Variants in LRIG3 observed in about 807,000 individuals in gnomAD.
LRIG3 encodes the protein leucine rich repeats and immunoglobulin like domains 3, also known as leucine-rich repeats and immunoglobulin-like domains protein 3.
A neutral mutation model predicts 114.5 loss-of-function variants in LRIG3; 76 were observed. The ratio of observed to expected loss-of-function variants is 0.66; its 90% CI spans 0.55 to 0.80. LRIG3 has a LOEUF of 0.80. Among genes scored for constraint, LRIG3 ranks in the 30% least tolerant of loss-of-function variants. LRIG3 has a pLI of 0.00. For synonymous variants in LRIG3, 512 were observed against 519.8 expected, an observed-to-expected ratio of 0.98 and a Z score of 0.20; for missense variants, 1,239 against 1,382.8, an observed-to-expected ratio of 0.90 and a Z score of 1.65.
At chr12:58,887,647 C>A in intron 8 of LRIG3, 142 bp downstream of exon 8, 1 of 842,776 alleles carries the variant, frequency 1.2e-6, no homozygotes, top group Non-Finnish European at 1.9e-6. Flanking sequence ...CCATTGTAAT[C>A]AAACTGATCT....
At chr12:58,918,989 A>G (rs1872574778) in intron 1 of LRIG3, among the ~76,000 whole-genome samples, 1 of 152,256 alleles carries the variant, frequency 6.6e-6, no homozygotes, top group Admixed American at 6.5e-5. Flanking sequence ...ATAGTTCACT[A>G]GAATTGTTTT....
intron 6 of LRIG3, 30 bp downstream of exon 6, chr12:58,888,789 T>G (rs1565617190): frequency 6.2e-7 from 1 of 1,610,736 alleles, no homozygotes. Context: ...TCATACTACC[T>G]CAGTAGGAAC....
chr12:58,882,833 G>GAATA, intron 12 of LRIG3, 36 bp downstream of exon 12: 1 of 1,545,632 alleles, frequency 6.5e-7, no homozygotes, highest in Middle Eastern at 1.7e-4. Flanking sequence ...GAAAAAAGAA[G>GAATA]AATAAATAAA....
At chr12:58,917,468 T>G (rs558888556) in intron 1 of LRIG3, among the ~76,000 whole-genome samples, 1 of 152,132 alleles carries the variant, frequency 6.6e-6, no homozygotes, top group African/African-American at 2.4e-5. Context: ...ACTGGGTTGT[T>G]TTTTTTTAGA....
intron 3 of LRIG3, among the ~76,000 whole-genome samples, chr12:58,906,545 G>A (rs748607004): frequency 1.3e-5 from 2 of 152,010 alleles, no homozygotes; most frequent in Non-Finnish European, 2.9e-5. Flanking sequence ...AGAAATGCAC[G>A]CTTATGAATG....
In LRIG3 at chr12:58,887,544, T is replaced by C. The variant is rs1871315245; in HGVS notation, c.1091+245A>G. ...CCCTCTTAAGCAGTTACCAATTTCC[T>C]GGAGATCCTGAGAAGGTTCACTGTA... On this transcript the variant is annotated intron_variant, in intron 8 of 18. Transcript: ENST00000320743. 2.0e-5 allele frequency among the ~76,000 whole-genome samples: 3 copies of C among 152,314 alleles called. No homozygotes were observed. The South Asian group carries it at 6.2e-4, about 32-fold the overall frequency.
chr12:58,875,044 TC>T (rs1870868815), intron 16 of LRIG3, among the ~76,000 whole-genome samples: 1 of 152,172 alleles, frequency 6.6e-6, no homozygotes, highest in Admixed American at 6.5e-5. Flanking sequence ...GTAAATGATA[TC>T]ATCAGGGTTA....
intron 15 of LRIG3, 125 bp from the exon 16 acceptor site, chr12:58,876,728 G>T: frequency 2.1e-6 from 2 of 940,094 alleles, no homozygotes; most frequent in Non-Finnish European, 3.2e-6. Flanking sequence ...ATCTACTCTG[G>T]CAAAACCATC....
chr12:58,912,189 A>G (rs960910621), intron 3 of LRIG3, among the ~76,000 whole-genome samples: 2 of 152,202 alleles, frequency 1.3e-5, no homozygotes, highest in Non-Finnish European at 2.9e-5. Context: ...ATTATAAGTT[A>G]TAACGTTAAA....
intron 16 of LRIG3, among the ~76,000 whole-genome samples, chr12:58,875,782 G>T (rs1037022615): frequency 6.6e-6 from 1 of 152,258 alleles, no homozygotes; most frequent in African/African-American, 2.4e-5. Context: ...GCTCACGCCT[G>T]TAATCCCAGC....
chr12:58,873,190 G>A (rs1041698168), intron 18 of LRIG3, among the ~76,000 whole-genome samples: 1 of 152,082 alleles, frequency 6.6e-6, no homozygotes, highest in Non-Finnish European at 1.5e-5. Context: ...GTTAACTGAG[G>A]CTAAATAAAG....
intron 10 of LRIG3, among the ~76,000 whole-genome samples, chr12:58,884,931 GGTTATA>G (rs1871227203): frequency 6.6e-6 from 1 of 152,104 alleles, no homozygotes; most frequent in South Asian, 2.1e-4. Flanking sequence ...ATACATCCAT[GGTTATA>G]AGCAGCTGGT....
Position 58,888,274 on chromosome 12 carries a change from C to T in LRIG3, c.947+55G>A, listed in dbSNP as rs141540925. 1,399 of 1,577,198 alleles carry T rather than the reference C, an allele frequency of 8.9e-4. 18 individuals are homozygous for T. In the East Asian group the frequency reaches 0.024, roughly 28 times the overall value. On this transcript the variant is annotated intron_variant, in intron 7 of 18. Transcript: ENST00000320743. ...ACAGATCAGTGGTAAGAAGCTCATG[C>T]CCTGGCATGATCCCTGCTCTCAAAC...
chr12:58,890,544 G>T, intron 4 of LRIG3, 121 bp downstream of exon 4: 1 of 943,622 alleles, frequency 1.1e-6, no homozygotes, highest in Non-Finnish European at 1.5e-6. Context: ...CAAATTTCAA[G>T]TCAATAAATT....
intron 3 of LRIG3, among the ~76,000 whole-genome samples, chr12:58,892,181 C>T (rs903949176): frequency 3.3e-5 from 5 of 152,116 alleles, no homozygotes; most frequent in Non-Finnish European, 1.5e-5. Context: ...TCATAATTGT[C>T]ATATTAGATC....
chr12:58,883,435 A>G, intron 11 of LRIG3, 85 bp downstream of exon 11: 1 of 931,772 alleles, frequency 1.1e-6, no homozygotes. Flanking sequence ...GGCACTTTTT[A>G]TAGATACATA....
rs1872626891 is a variant in LRIG3, at chr12:58,920,263, C to G, written c.-28G>C. 1 of 1,314,094 alleles carries G rather than the reference C, an allele frequency of 7.6e-7. No homozygotes were observed. Among genetic ancestry groups the G allele is most frequent in the Non-Finnish European group, 9.7e-7 (1 of 1,035,700 alleles). 81.4% of individuals were successfully genotyped at this position (1,314,094 alleles called of 1,614,324 possible). ...CGGTCCAGCGGCCTAGGTCTCTACC[C>G]GAAGCTCCCAGCCGGCGCGCGCTCG... On this transcript the variant is annotated 5_prime_UTR_variant, in exon 1 of 19. Coordinates refer to ENST00000320743, the MANE Select transcript of LRIG3 (RefSeq NM_153377.5).
At chr12:58,886,516 G>A (rs1475838371) in intron 9 of LRIG3, among the ~76,000 whole-genome samples, 1 of 151,420 alleles carries the variant, frequency 6.6e-6, no homozygotes, top group African/African-American at 2.4e-5. Context: ...TAACTTTTAC[G>A]CAATGATAAT....
At chr12:58,900,674 A>G (rs978180370) in intron 3 of LRIG3, among the ~76,000 whole-genome samples, 2 of 152,268 alleles carry the variant, frequency 1.3e-5, no homozygotes, top group African/African-American at 4.8e-5. Flanking sequence ...ACTTCAGATG[A>G]TAGTACAAAC....
Sources: gnomAD v4.1 joint callset for allele counts (sites outside exome capture counted in the v4.1 genomes callset) on GRCh38, gnomAD v4.1.1 for gene constraint, MANE v1.5 for transcripts, NCBI Gene and HGNC (gene_info 2026-07-23, HGNC 2026-07-21) for gene names.